ARHGAP12: variants seen among roughly 807,000 people sequenced by gnomAD.
ARHGAP12 encodes rho GTPase-activating protein 12.
Under a neutral mutation model 108.6 loss-of-function variants are expected in ARHGAP12, and 64 were observed. The observed-to-expected ratio is 0.59, with a 90% CI of 0.48 to 0.73. The LOEUF (loss-of-function observed/expected upper bound fraction) is 0.73, where lower values mean the gene tolerates loss of function less well. ARHGAP12 is among the 30% of genes least tolerant of loss of function. The probability of loss-of-function intolerance (pLI) is 0.00; values close to 1 mark genes in which losing one functional copy is unlikely to be tolerated. For synonymous variants in ARHGAP12, 312 were observed against 337.2 expected, an observed-to-expected ratio of 0.93 and a Z score of 0.82; for missense variants, 940 against 1,005.9, an observed-to-expected ratio of 0.93 and a Z score of 0.89.
chr10:31,908,177 T>A lies in ARHGAP12; in HGVS notation c.679A>T (p.Ile227Leu). 1 of 1,590,602 alleles carries A rather than the reference T, an allele frequency of 6.3e-7. No individual in the cohort carries two copies. Residue 227 changes from isoleucine to leucine, a missense_variant, in exon 3 of 20, where the codon ATA becomes TTA. Coordinates refer to ENST00000344936, the MANE Select transcript of ARHGAP12 (RefSeq NM_018287.7). Reference sequence around the variant, plus strand: ...CATTCTATTTTTAATCTTACCCTTATCTGTTCAGTGGAGCTGCTGCTAAGT... The same window carrying A: ...CATTCTATTTTTAATCTTACCCTTAACTGTTCAGTGGAGCTGCTGCTAAGT... ...DELSSSSTEQ[I>L]RATTPPNQGR...
chr10:31,906,369 T>C (rs533384704), intron 3 of ARHGAP12, among the ~76,000 whole-genome samples: 1 of 152,300 alleles, frequency 6.6e-6, no homozygotes, highest in Non-Finnish European at 1.5e-5. Flanking sequence ...TCAAGAACCG[T>C]GACCCCAATT....
At chr10:31,877,095 T>C (rs114033836) in intron 3 of ARHGAP12, among the ~76,000 whole-genome samples, 146 of 152,294 alleles carry the variant, frequency 9.6e-4, no homozygotes, top group African/African-American at 3.2e-3. Context: ...AACAGGCAAA[T>C]GAGAAAAATC....
At chr10:31,926,000 T>C (rs1361648132) in intron 1 of ARHGAP12, among the ~76,000 whole-genome samples, 1 of 151,784 alleles carries the variant, frequency 6.6e-6, no homozygotes, top group Admixed American at 6.5e-5. Context: ...ATGTGAATAC[T>C]AGAAACTTTA....
At chr10:31,912,960 C>A (rs986527055) in intron 1 of ARHGAP12, among the ~76,000 whole-genome samples, 8 of 152,106 alleles carry the variant, frequency 5.3e-5, no homozygotes, top group African/African-American at 1.9e-4. Context: ...TATTTTCTCC[C>A]ATTATATAGG....
In ARHGAP12 at chr10:31,814,266, C is replaced by G; in HGVS notation, c.1827G>C (p.Lys609Asn). 1 of 1,613,636 alleles carries G rather than the reference C, an allele frequency of 6.2e-7. No individual in the cohort carries two copies. Among genetic ancestry groups the G allele is most frequent in the Non-Finnish European group, 8.5e-7 (1 of 1,179,648 alleles). Residue 609 changes from lysine (K) to asparagine (N), a missense_variant, in exon 14 of 20, where the codon AAG (lysine) becomes AAC (asparagine). Physicochemically the swap from Lys to Asn is moderately conservative, Grantham distance 94 (BLOSUM62 0). Coordinates refer to ENST00000344936, the MANE Select transcript of ARHGAP12 (RefSeq NM_018287.7). Reference protein sequence around the residue: ...DKEKEQKDPKKLRSFKVSSID... With the variant: ...DKEKEQKDPKNLRSFKVSSID... ...AGGGAAAGGACAACTTACAACGAAG[C>G]TTTTTGGGATCCTTTTGTTCCTTTT...
chr10:31,912,190 A>C (rs1464931949), intron 1 of ARHGAP12, among the ~76,000 whole-genome samples: 1 of 152,210 alleles, frequency 6.6e-6, no homozygotes, highest in Non-Finnish European at 1.5e-5. Flanking sequence ...GCTTATCCTT[A>C]GGTGATTTTT....
chr10:31,923,511 T>C (rs1839905993), intron 1 of ARHGAP12, among the ~76,000 whole-genome samples: 1 of 152,214 alleles, frequency 6.6e-6, no homozygotes, highest in Non-Finnish European at 1.5e-5. Context: ...AGTAGTTTCA[T>C]CTGTAACAAA....
intron 7 of ARHGAP12, among the ~76,000 whole-genome samples, chr10:31,842,652 C>T (rs1031111521): frequency 2.6e-5 from 4 of 151,982 alleles, no homozygotes; most frequent in Non-Finnish European, 5.9e-5. Flanking sequence ...CTGAAAGTAT[C>T]CAAACATAAT....
intron 19 of ARHGAP12, 194 bp downstream of exon 19, chr10:31,808,455 T>G (rs1196338151): frequency 2.0e-6 from 1 of 499,692 alleles, no homozygotes; most frequent in African/African-American, 2.0e-5. Flanking sequence ...ATACCTACTT[T>G]ACTGTATTCT....
Position 31,807,327 on chromosome 10 carries a change from A to G in ARHGAP12, c.*331T>C, listed in dbSNP as rs538066580. 4.9e-4 allele frequency: 88 copies of G among 180,148 alleles called. No individual in the cohort carries two copies. Among genetic ancestry groups the G allele is most frequent in the African/African-American group, 1.9e-3 (80 of 42,728 alleles). 11.2% of individuals were successfully genotyped at this position (180,148 alleles called of 1,614,324 possible). ...GAAAGTACATTATCCAATTTCAGGG[A>G]AAAAAAATACAGTTTTCTTACCAAA... On this transcript the variant is annotated 3_prime_UTR_variant, in exon 20 of 20. Coordinates refer to ENST00000344936, the MANE Select transcript of ARHGAP12 (RefSeq NM_018287.7).
At chr10:31,902,750 G>C (rs1332824872) in intron 3 of ARHGAP12, among the ~76,000 whole-genome samples, 1 of 151,690 alleles carries the variant, frequency 6.6e-6, no homozygotes, top group Non-Finnish European at 1.5e-5. Context: ...AAAAAATAAA[G>C]CATTCAGGAT....
At chr10:31,889,707 A>G (rs570532306) in intron 3 of ARHGAP12, among the ~76,000 whole-genome samples, 2 of 141,740 alleles carry the variant, frequency 1.4e-5, no homozygotes, top group East Asian at 2.1e-4. Context: ...ACTCACTGCA[A>G]CCTTTGCCTC....
chr10:31,925,895 T>C (rs572501120), intron 1 of ARHGAP12, among the ~76,000 whole-genome samples: 86 of 152,378 alleles, frequency 5.6e-4, no homozygotes, highest in African/African-American at 2.0e-3. Context: ...ATCTCATTAA[T>C]AATTTTCCTA....
intron 3 of ARHGAP12, among the ~76,000 whole-genome samples, chr10:31,895,076 T>C (rs960260164): frequency 3.9e-5 from 6 of 152,220 alleles, no homozygotes; most frequent in Non-Finnish European, 7.3e-5. Context: ...ATCCCTTCCT[T>C]ATACCTTACA....
At chr10:31,866,466 C>T (rs1367286374) in intron 3 of ARHGAP12, among the ~76,000 whole-genome samples, 4 of 151,678 alleles carry the variant, frequency 2.6e-5, no homozygotes, top group Non-Finnish European at 2.9e-5. Context: ...AGCTTTGTGC[C>T]GGAAGTGGTT....
intron 3 of ARHGAP12, among the ~76,000 whole-genome samples, chr10:31,861,885 AC>A (rs1228545540): frequency 6.6e-6 from 1 of 152,226 alleles, no homozygotes; most frequent in Non-Finnish European, 1.5e-5. Context: ...ACTTTCCTTT[AC>A]CTGAAACAGT....
At chr10:31,895,307 C>G (rs548105560) in intron 3 of ARHGAP12, among the ~76,000 whole-genome samples, 25 of 152,304 alleles carry the variant, frequency 1.6e-4, no homozygotes, top group African/African-American at 6.0e-4. Context: ...TCAGAGTGAA[C>G]AGGCAACCTA....
At chr10:31,854,769 CAAGA>C (rs1251288505) in intron 4 of ARHGAP12, among the ~76,000 whole-genome samples, 1 of 151,376 alleles carries the variant, frequency 6.6e-6, no homozygotes, top group Non-Finnish European at 1.5e-5. Flanking sequence ...AACTTCAAAA[CAAGA>C]AAAAATAACA....
chr10:31,815,131 AAAAAAG>A (rs951362478), intron 13 of ARHGAP12, among the ~76,000 whole-genome samples: 11 of 151,346 alleles, frequency 7.3e-5, no homozygotes, highest in African/African-American at 2.4e-4. Context: ...AAAAAAAAAA[AAAAAAG>A]AAAGAAAGAA....
Sources: allele counts gnomAD v4.1 joint callset (sites outside exome capture counted in the v4.1 genomes callset), GRCh38; gene constraint gnomAD v4.1.1; transcripts MANE v1.5; gene names NCBI Gene and HGNC (gene_info 2026-07-23, HGNC 2026-07-21).